Variants in FREM2 observed in about 807,000 individuals in gnomAD.
FREM2 encodes FRAS1 related extracellular matrix 2, also known as FRAS1-related extracellular matrix protein 2.
Under a neutral mutation model 219.9 loss-of-function variants are expected in FREM2, and 119 were observed. That is an observed-to-expected ratio of 0.54 (90% CI 0.47 to 0.63). The LOEUF (loss-of-function observed/expected upper bound fraction) is 0.63, where lower values mean the gene tolerates loss of function less well. Ranked by LOEUF, FREM2 falls within the 30% of genes least tolerant of loss-of-function variation. The pLI is 0.00. For missense variants in FREM2, 4,030 were observed against 3,993.6 expected, an observed-to-expected ratio of 1.01 and a Z score of -0.25; for synonymous variants, 1,562 against 1,522.8, an observed-to-expected ratio of 1.03 and a Z score of -0.60.
rs111516789 is a variant in FREM2, at chr13:38,836,945, G to A, written c.6020-9628G>A. Reference sequence around the variant, plus strand: ...AAGGGTTTTTTGCGTCTCTACTTCAGTTCTGCTCTGATCTTAGTTATTTTT... The same window carrying A: ...AAGGGTTTTTTGCGTCTCTACTTCAATTCTGCTCTGATCTTAGTTATTTTT... On this transcript the variant is annotated intron_variant, in intron 6 of 23. Transcript: ENST00000280481. Among the ~76,000 whole-genome samples, 744 of 152,002 alleles carry A rather than the reference G, an allele frequency of 4.9e-3. 2 individuals are homozygous for A. Among genetic ancestry groups the A allele is most frequent in the South Asian group, 0.013 (63 of 4,818 alleles).
rs1395568516 is a variant in FREM2, at chr13:38,687,731, C to T, written c.387C>T (p.Cys129=). 6.5e-7 allele frequency: 1 copy of T among 1,546,360 alleles called. No homozygotes were observed. The highest frequency in any genetic ancestry group is 1.9e-5 in the Admixed American group (1 of 53,094). The change falls in exon 1 of 24, where the codon TGC becomes TGT. Residue 129 remains cysteine (C), a synonymous_variant. Transcript: ENST00000280481. ...GCCTGAGTCCCAAGCGCTTCCCGTG[C>T]GACTTTGGCCCTGGCGAGGTGCGCT... ...PGRLSPKRFP[C]DFGPGEVRYS...
chr13:38,693,429 T>G (rs1042928633), intron 1 of FREM2, among the ~76,000 whole-genome samples: 1 of 152,216 alleles, frequency 6.6e-6, no homozygotes, highest in Non-Finnish European at 1.5e-5. Flanking sequence ...GAATTTCCTT[T>G]GTGGGTGGAC....
At chr13:38,697,877 A>G (rs573105089) in intron 2 of FREM2, 90 bp downstream of exon 2, 4 of 778,892 alleles carry the variant, frequency 5.1e-6, no homozygotes, top group Non-Finnish European at 9.2e-6. Context: ...AGTCTTCATC[A>G]AGTAATATTT....
chr13:38,802,261 T>A (rs1875041933), intron 6 of FREM2, among the ~76,000 whole-genome samples: 1 of 151,768 alleles, frequency 6.6e-6, no homozygotes, highest in Non-Finnish European at 1.5e-5. Flanking sequence ...CCACTCTCAA[T>A]GGGAACAGAG....
chr13:38,768,399 C>T (rs1873525501), intron 3 of FREM2, among the ~76,000 whole-genome samples: 1 of 152,074 alleles, frequency 6.6e-6, no homozygotes, highest in Non-Finnish European at 1.5e-5. Flanking sequence ...ACCTCAGCCT[C>T]CCCAGTAGCA....
intron 2 of FREM2, among the ~76,000 whole-genome samples, chr13:38,716,907 T>C (rs1041068766): frequency 4.6e-5 from 7 of 152,242 alleles, no homozygotes; most frequent in Admixed American, 6.5e-5. Flanking sequence ...GAGTGAGATG[T>C]CCTTTTTATT....
At chr13:38,742,106 A>G (rs1050181940) in intron 2 of FREM2, among the ~76,000 whole-genome samples, 1 of 152,174 alleles carries the variant, frequency 6.6e-6, no homozygotes, top group African/African-American at 2.4e-5. Context: ...TCTTCCTTAC[A>G]CTGCTCTTGA....
At chr13:38,869,361 C>T (rs1878081346) in intron 16 of FREM2, among the ~76,000 whole-genome samples, 1 of 152,190 alleles carries the variant, frequency 6.6e-6, no homozygotes, top group Non-Finnish European at 1.5e-5. Context: ...AGCTAGACTA[C>T]ATCTAGCTTC....
At chr13:38,780,444 G>A (rs532394758) in intron 4 of FREM2, among the ~76,000 whole-genome samples, 9 of 152,172 alleles carry the variant, frequency 5.9e-5, no homozygotes, top group East Asian at 5.8e-4. Context: ...TTCTATGATC[G>A]CTTGCCTGCA....
At chr13:38,772,271 A>T (rs1326434092) in intron 4 of FREM2, among the ~76,000 whole-genome samples, 1 of 152,222 alleles carries the variant, frequency 6.6e-6, no homozygotes, top group Non-Finnish European at 1.5e-5. Context: ...AATAGCATAG[A>T]ATCTCTGCTG....
intron 4 of FREM2, 139 bp from the exon 5 acceptor site, chr13:38,782,931 C>A: frequency 9.5e-7 from 1 of 1,051,478 alleles, no homozygotes; most frequent in Non-Finnish European, 1.5e-6. Flanking sequence ...CTCCTTCCTC[C>A]TTTTCCTCCC....
Position 38,784,789 on chromosome 13 carries a change from C to T in FREM2, c.6000C>T (p.Ile2000=), listed in dbSNP as rs146568641. ...GSEFPGAQVT[I]VPDKDDEPIF... The stretch of plus-strand genomic sequence containing the variant: ...AGTTCCCAGGGGCTCAAGTTACAAT[C>T]GTTCCTGACAAAGATGATGGTGAGT... The change falls in exon 6 of 24, where the codon ATC becomes ATT. Residue 2000 remains isoleucine, a synonymous_variant. Coordinates refer to ENST00000280481, the MANE Select transcript of FREM2 (RefSeq NM_207361.6). 2.2e-5 allele frequency: 35 copies of T among 1,614,004 alleles called. No individual in the cohort carries two copies. Among genetic ancestry groups the T allele is most frequent in the Admixed American group, 3.3e-5 (2 of 60,006 alleles).
chr13:38,714,963 G>A (rs1321608366), intron 2 of FREM2, among the ~76,000 whole-genome samples: 1 of 151,836 alleles, frequency 6.6e-6, no homozygotes, highest in Non-Finnish European at 1.5e-5. Flanking sequence ...ATGGTGGCGG[G>A]CACCTGTAAT....
chr13:38,698,382 G>A (rs1870202020), intron 2 of FREM2, among the ~76,000 whole-genome samples: 1 of 152,136 alleles, frequency 6.6e-6, no homozygotes, highest in Non-Finnish European at 1.5e-5. Context: ...ATACTTCAGA[G>A]TATAGGATGT....
intron 2 of FREM2, among the ~76,000 whole-genome samples, chr13:38,746,383 G>A (rs1419194527): frequency 1.3e-5 from 2 of 152,102 alleles, no homozygotes; most frequent in East Asian, 1.9e-4. Context: ...AGTAAGGTTC[G>A]CTCAAGATTT....
At chr13:38,710,531 C>T (rs1870727610) in intron 2 of FREM2, among the ~76,000 whole-genome samples, 1 of 152,154 alleles carries the variant, frequency 6.6e-6, no homozygotes, top group Non-Finnish European at 1.5e-5. Flanking sequence ...AATTGGTATA[C>T]CAGCCCTAAA....
chr13:38,885,373 T>A lies in FREM2; in HGVS notation c.*4586T>A, dbSNP rs776259010. 1.9e-4 allele frequency: 29 copies of A among 152,210 alleles called. No homozygotes were observed. The highest frequency in any genetic ancestry group is 7.0e-4 in the African/African-American group (29 of 41,454). The allele number at this position is 152,210 out of a possible 1,614,324, so 9.4% of individuals were successfully genotyped here. A position where few individuals can be genotyped will look rare whatever the true frequency, so the allele number is the denominator to read the frequency against. On this transcript the variant is annotated 3_prime_UTR_variant, in exon 24 of 24. Coordinates refer to ENST00000280481, the MANE Select transcript of FREM2 (RefSeq NM_207361.6). The stretch of plus-strand genomic sequence containing the variant: ...ACACTCAGTATCTTTCTTCCCTATC[T>A]TTCAAGCACATTTAATTTCTTTCCC...
rs181348042 is a variant in FREM2 at position 38,754,223 on chromosome 13, C to A, written c.5264-10081C>A. Among the ~76,000 whole-genome samples the A allele has an allele frequency of 4.2e-3, 633 of 152,182 alleles. 4 individuals carry two copies. The highest frequency in any genetic ancestry group is 0.014 in the African/African-American group (600 of 41,534). The stretch of plus-strand genomic sequence containing the variant: ...TAGCTTGCGTTAATTTTTTATAAAT[C>A]CATCTCAAATATTTATTAACCGGCT... On this transcript the variant is annotated intron_variant, in intron 2 of 23. Coordinates refer to ENST00000280481, the MANE Select transcript of FREM2 (RefSeq NM_207361.6).
At chr13:38,787,965 C>T (rs1207614828) in intron 6 of FREM2, among the ~76,000 whole-genome samples, 1 of 151,442 alleles carries the variant, frequency 6.6e-6, no homozygotes, top group Non-Finnish European at 1.5e-5. Flanking sequence ...CAGGACAAAC[C>T]AAGAAATTAA....
Sources: gnomAD v4.1 joint callset for allele counts (sites outside exome capture counted in the v4.1 genomes callset) on GRCh38, gnomAD v4.1.1 for gene constraint, MANE v1.5 for transcripts, NCBI Gene and HGNC (gene_info 2026-07-23, HGNC 2026-07-21) for gene names.